The following E2F1 variants were observed in gnomAD, a reference collection of about 807,000 sequenced individuals.
The protein encoded by E2F1 is transcription factor E2F1.
E2F1 carries 7 observed loss-of-function variants against 36.9 expected under a neutral mutation model. That is an observed-to-expected ratio of 0.19 (90% confidence interval 0.11 to 0.36). The LOEUF is 0.36. Ranked by LOEUF, E2F1 falls within the 10% of genes least tolerant of loss-of-function variation. The pLI is 1.00. For missense variants in E2F1, 406 were observed against 573.6 expected, an observed-to-expected ratio of 0.71 and a Z score of 2.99; for synonymous variants, 261 against 263.1, an observed-to-expected ratio of 0.99 and a Z score of 0.08.
At position 33,679,684 on chromosome 20, in the gene E2F1, G is replaced by T; in HGVS notation, c.572+71C>A. The T allele has an allele frequency of 7.1e-7, 1 of 1,415,714 alleles. No homozygotes were observed. The highest frequency in any genetic ancestry group is 1.0e-6 in the Non-Finnish European group (1 of 1,001,672). The allele number at this position is 1,415,714 out of a possible 1,614,324, so 87.7% of individuals were successfully genotyped here. ...AGATGGGGATGCAGGCAGCCACAGT[G>T]GGTATTACTACCAGCTCCTCCAGGC... On this transcript the variant is annotated intron_variant, in intron 3 of 6. Transcript: ENST00000343380. This position sits in a 1 kb window ranked among gnomAD's most constrained non-coding sequence, Gnocchi z 4.6.
Position 33,677,420 on chromosome 20 carries a change from T to C in E2F1, c.840+6A>G. On this transcript the variant is annotated splice_donor_region_variant and intron_variant, in intron 5 of 6. Transcript: ENST00000343380. ...CCCAGTTGGGCCCGGAGTTCCCAGA[T>C]CTCACCTCCGAAGAGTCCACGGCTT... 6.2e-7 allele frequency: 1 copy of C among 1,613,678 alleles called. No individual in the cohort carries two copies. Among genetic ancestry groups the C allele is most frequent in the Non-Finnish European group, 8.5e-7 (1 of 1,179,746 alleles).
chr20:33,681,211 C>T (rs1404061401), intron 1 of E2F1, among the ~76,000 whole-genome samples: 1 of 151,954 alleles, frequency 6.6e-6, no homozygotes, highest in African/African-American at 2.4e-5. Flanking sequence ...GCTAACTTTT[C>T]TATTTCTCGT....
Position 33,676,741 on chromosome 20 carries a change from C to T in E2F1, c.1305G>A (p.Leu435=), listed in dbSNP as rs1568907551. 3.1e-6 allele frequency: 5 copies of T among 1,608,578 alleles called. No individual in the cohort carries two copies. The highest frequency in any genetic ancestry group is 4.2e-6 in the Non-Finnish European group (5 of 1,177,526). ...FDCDFGDLTP[L]DF ...GTCCCTCCAAGCCCTGTCAGAAATCCAGGGGGGTGAGGTCCCCAAAGTCAC... is the reference window on the plus strand; with the variant it reads ...GTCCCTCCAAGCCCTGTCAGAAATCTAGGGGGGTGAGGTCCCCAAAGTCAC... The change falls in exon 7 of 7, where the codon CTG becomes CTA. Residue 435 remains leucine, a synonymous_variant. Coordinates refer to ENST00000343380, the MANE Select transcript of E2F1 (RefSeq NM_005225.3).
chr20:33,681,254 G>T (rs184155532), intron 1 of E2F1, among the ~76,000 whole-genome samples: 1 of 152,174 alleles, frequency 6.6e-6, no homozygotes, highest in East Asian at 1.9e-4. Flanking sequence ...GCCCAGACTG[G>T]TCTCAAACTC....
At chr20:33,682,900 G>C (rs756910142) in intron 1 of E2F1, among the ~76,000 whole-genome samples, 12 of 152,074 alleles carry the variant, frequency 7.9e-5, no homozygotes, top group Non-Finnish European at 1.5e-4. Flanking sequence ...GATCCCTTTT[G>C]GATTAAAAAG....
chr20:33,682,729 T>A (rs1434994121), intron 1 of E2F1, among the ~76,000 whole-genome samples: 1 of 152,082 alleles, frequency 6.6e-6, no homozygotes, highest in African/African-American at 2.4e-5. Flanking sequence ...GCTGAAAAAA[T>A]CTGGATGACT....
chr20:33,686,347 T>C lies in E2F1; in HGVS notation c.-83A>G, dbSNP rs2122555383. 1.0e-6 allele frequency: 1 copy of C among 972,856 alleles called. No homozygotes were observed. Among genetic ancestry groups the C allele is most frequent in the Non-Finnish European group, 1.2e-6 (1 of 817,830 alleles). The allele number at this position is 972,856 out of a possible 1,614,324, so 60.3% of individuals were successfully genotyped here. A position where few individuals can be genotyped will look rare whatever the true frequency, so the allele number is the denominator to read the frequency against. ...GCGGCAGGCCTCGGCGAGGGCTCGA[T>C]CCCGCTCCGCCCCCGGCCGCCGCTG... On this transcript the variant is annotated 5_prime_UTR_variant, in exon 1 of 7. Coordinates refer to ENST00000343380, the MANE Select transcript of E2F1 (RefSeq NM_005225.3).
At chr20:33,677,351 G>A in intron 5 of E2F1, 21 bp from the exon 6 acceptor site, 1 of 1,611,516 alleles carries the variant, frequency 6.2e-7, no homozygotes, top group Non-Finnish European at 8.5e-7. Context: ...GCAGCAGGCA[G>A]GGTAAACTGA....
Position 33,676,830 on chromosome 20 carries a change from G to T in E2F1, c.1216C>A (p.His406Asn), listed in dbSNP as rs373228968. Residue 406 changes from histidine to asparagine, a missense_variant, in exon 7 of 7, where the codon CAC (histidine) becomes AAC (asparagine). His to Asn is a moderately conservative substitution (Grantham distance 68). Transcript: ENST00000343380. Reference protein sequence around the residue: ...PEEFISLSPPHEALDYHFGLE... With the variant: ...PEEFISLSPPNEALDYHFGLE... ...CCGAAGTGGTAGTCGAGGGCCTCGT[G>T]GGGTGGGGAAAGGCTGATGAACTCC... The T allele has an allele frequency of 1.7e-5, 27 of 1,596,160 alleles. No homozygotes were observed. The South Asian group carries it at 2.8e-4, about 17-fold the overall frequency.
In E2F1 at chr20:33,678,203, C is replaced by T. The variant is rs1273591409; in HGVS notation, c.723G>A (p.Gln241=). 6.2e-7 allele frequency: 1 copy of T among 1,611,120 alleles called. No homozygotes were observed. Among genetic ancestry groups the T allele is most frequent in the African/African-American group, 1.3e-5 (1 of 74,910 alleles). ...LRLLSEDTDS[Q]RLAYVTCQDL... ...CCCTACGGCCAATCCAAGGATATCG[C>T]TGGCTGTCAGTGTCCTCGGAGAGCA... The change falls in exon 4 of 7, where the codon CAG becomes CAA. Residue 241 remains glutamine (Q), a splice_region_variant and synonymous_variant. Coordinates refer to ENST00000343380, the MANE Select transcript of E2F1 (RefSeq NM_005225.3).
At position 33,676,972 on chromosome 20, in the gene E2F1, C is replaced by T. The variant is rs771131250; in HGVS notation, c.1074G>A (p.Leu358=). 6 of 1,566,612 alleles carry T rather than the reference C, an allele frequency of 3.8e-6. No homozygotes were observed. The highest frequency in any genetic ancestry group is 1.2e-5 in the South Asian group (1 of 85,966). ...CCCGCAGGCTGCCCATCCGGGACAACAGCGGTTCTGGGGAGACGGGGAGCA... is the reference window on the plus strand; with the variant it reads ...CCCGCAGGCTGCCCATCCGGGACAATAGCGGTTCTGGGGAGACGGGGAGCA... ...QSLLSLEQEP[L]LSRMGSLRAP... Residue 358 remains leucine, a synonymous_variant, in exon 7 of 7, where the codon CTG becomes CTA. Coordinates refer to ENST00000343380, the MANE Select transcript of E2F1 (RefSeq NM_005225.3).
rs770507779 is a variant in E2F1 at position 33,676,771 on chromosome 20, G to A, written c.1275C>T (p.Phe425=). The A allele has an allele frequency of 5.0e-6, 8 of 1,608,804 alleles. No homozygotes were observed. Among genetic ancestry groups the A allele is most frequent in the South Asian group, 3.3e-5 (3 of 90,122 alleles). The part of the protein sequence containing the change: ...LEEGEGIRDL[F]DCDFGDLTPL... The stretch of plus-strand genomic sequence containing the variant: ...GGGTGAGGTCCCCAAAGTCACAGTC[G>A]AAGAGGTCTCTGATGCCCTCGCCCT... The change falls in exon 7 of 7, where the codon TTC becomes TTT. Residue 425 remains phenylalanine (F), a synonymous_variant. Transcript: ENST00000343380.
chr20:33,677,082 C>T, intron 6 of E2F1, 23 bp downstream of exon 6: 1 of 1,598,716 alleles, frequency 6.3e-7, no homozygotes, highest in Non-Finnish European at 8.5e-7. Flanking sequence ...CTGCCCCACC[C>T]CACCCACCTA....
Position 33,678,220 on chromosome 20 carries a change from C to T in E2F1, c.706G>A (p.Glu236Lys), listed in dbSNP as rs1200120018. Residue 236 changes from glutamate (E) to lysine (K), a missense_variant, in exon 4 of 7, where the codon GAG becomes AAG. Physicochemically the swap from Glu to Lys is moderately conservative, Grantham distance 56. Transcript: ENST00000343380. ...GGATATCGCTGGCTGTCAGTGTCCT[C>T]GGAGAGCAGGCGCAGCTGCGTAGTA... ...ICTTQLRLLS[E>K]DTDSQRLAYV... 6.2e-6 allele frequency: 10 copies of T among 1,613,224 alleles called. No homozygotes were observed. The highest frequency in any genetic ancestry group is 3.3e-5 in the Admixed American group (2 of 60,002).
At chr20:33,684,965 A>T (rs2018052076) in intron 1 of E2F1, among the ~76,000 whole-genome samples, 1 of 152,072 alleles carries the variant, frequency 6.6e-6, no homozygotes, top group African/African-American at 2.4e-5. Context: ...CGCCAGTCAA[A>T]CTGGTCTCCA....
intron 4 of E2F1, among the ~76,000 whole-genome samples, 190 bp downstream of exon 4, chr20:33,678,011 T>C (rs2017981359): frequency 6.6e-6 from 1 of 152,228 alleles, no homozygotes; most frequent in South Asian, 2.1e-4. Context: ...ATTATTCCCC[T>C]TTTATAGATA....
intron 1 of E2F1, among the ~76,000 whole-genome samples, chr20:33,680,655 T>G (rs1239560088): frequency 6.6e-6 from 1 of 152,214 alleles, no homozygotes; most frequent in Non-Finnish European, 1.5e-5. Flanking sequence ...CCGCAAACTT[T>G]CTGATCCTTC....
intron 1 of E2F1, among the ~76,000 whole-genome samples, chr20:33,681,631 G>A (rs938991593): frequency 3.3e-5 from 5 of 152,090 alleles, no homozygotes; most frequent in Admixed American, 2.6e-4. Context: ...CTGTCCTGGA[G>A]GTCTCACAGG....
chr20:33,680,663 T>C (rs1258233226), intron 1 of E2F1, among the ~76,000 whole-genome samples: 1 of 152,226 alleles, frequency 6.6e-6, no homozygotes, highest in Non-Finnish European at 1.5e-5. Flanking sequence ...TTTCTGATCC[T>C]TCTCCTTCAA....
Sources: allele counts gnomAD v4.1 joint callset (sites outside exome capture counted in the v4.1 genomes callset), GRCh38; gene constraint gnomAD v4.1.1; non-coding constraint Gnocchi (gnomAD v3.1); transcripts MANE v1.5; gene names NCBI Gene and HGNC (gene_info 2026-07-23, HGNC 2026-07-21).